The following CLSTN2 variants were observed in gnomAD, a reference collection of about 807,000 sequenced individuals.
The protein encoded by CLSTN2 is calsyntenin 2, also known as calsyntenin-2.
In CLSTN2, 48 loss-of-function variants were observed where a neutral mutation model predicts 101.2. The observed-to-expected ratio is 0.47, with a 90% confidence interval of 0.38 to 0.60. CLSTN2 has a LOEUF of 0.60. Among genes scored for constraint, CLSTN2 ranks in the 20% least tolerant of loss-of-function variants. The pLI, the probability that CLSTN2 is intolerant of heterozygous loss-of-function variation, is 0.00. For synonymous variants in CLSTN2, 481 were observed against 463.6 expected, an observed-to-expected ratio of 1.04 and a Z score of -0.48; for missense variants, 1,160 against 1,238.2, an observed-to-expected ratio of 0.94 and a Z score of 0.95.
Position 140,574,464 on chromosome 3 carries a change from G to A in CLSTN2, c.*8211G>A, listed in dbSNP as rs1029767330. 7.2e-5 allele frequency: 11 copies of A among 152,196 alleles called. No individual in the cohort carries two copies. The highest frequency in any genetic ancestry group is 2.7e-4 in the African/African-American group (11 of 41,438). 9.4% of individuals were successfully genotyped at this position (152,196 alleles called of 1,614,324 possible). On this transcript the variant is annotated 3_prime_UTR_variant, in exon 17 of 17. Transcript: ENST00000458420. ...AACTGAGGAGAGAAAACCCTAATTT[G>A]TTAATGACCCAGCCTTGTGCTGCTC...
At chr3:140,037,542 G>T (rs1393015637) in intron 1 of CLSTN2, among the ~76,000 whole-genome samples, 7 of 148,594 alleles carry the variant, frequency 4.7e-5, no homozygotes, top group South Asian at 2.1e-4. Flanking sequence ...TTATGCATTC[G>T]TCTTTTTTTT....
chr3:140,081,458 A>T (rs1441249900), intron 1 of CLSTN2, among the ~76,000 whole-genome samples: 1 of 152,228 alleles, frequency 6.6e-6, no homozygotes, highest in Non-Finnish European at 1.5e-5. Context: ...TGCTTTCCCC[A>T]TGAATCAGAT....
chr3:140,367,675 T>G (rs77752440), intron 2 of CLSTN2, among the ~76,000 whole-genome samples: 3,402 of 152,318 alleles, frequency 0.022, 121 homozygotes, highest in African/African-American at 0.078. Context: ...CTGTGAGGGT[T>G]GTGGGGCTCC....
chr3:140,394,052 G>A (rs1046956080), intron 2 of CLSTN2, among the ~76,000 whole-genome samples: 3 of 152,138 alleles, frequency 2.0e-5, no homozygotes, highest in East Asian at 1.9e-4. Context: ...AGCAGAACCC[G>A]GGAAGTGCCT....
At chr3:140,548,487 T>TG (rs1267395960) in intron 10 of CLSTN2, among the ~76,000 whole-genome samples, 6 of 152,192 alleles carry the variant, frequency 3.9e-5, no homozygotes, top group African/African-American at 1.4e-4. Flanking sequence ...CCTTGGAGAC[T>TG]GGCAGTCAGG....
At chr3:140,340,815 T>A (rs1309173486) in intron 2 of CLSTN2, among the ~76,000 whole-genome samples, 2 of 152,228 alleles carry the variant, frequency 1.3e-5, no homozygotes, top group East Asian at 3.8e-4. Flanking sequence ...TAGACTCCTG[T>A]TGGCAGTGAT....
intron 10 of CLSTN2, among the ~76,000 whole-genome samples, chr3:140,552,996 T>C (rs1006499279): frequency 6.6e-6 from 1 of 152,242 alleles, no homozygotes; most frequent in African/African-American, 2.4e-5. Context: ...CGTGACTCAC[T>C]AGCGTGAGGC....
At chr3:139,976,632 A>C (rs970716108) in intron 1 of CLSTN2, among the ~76,000 whole-genome samples, 2 of 152,116 alleles carry the variant, frequency 1.3e-5, no homozygotes, top group African/African-American at 4.8e-5. Flanking sequence ...GGATGAATTC[A>C]CTCAGCAGGG....
intron 11 of CLSTN2, 47 bp downstream of exon 11, chr3:140,556,708 G>A: frequency 6.3e-7 from 1 of 1,593,464 alleles, no homozygotes; most frequent in Non-Finnish European, 8.6e-7. Context: ...CAGCAGTTGG[G>A]AAGGTCCCAA....
chr3:140,297,426 C>G (rs2107907410), intron 2 of CLSTN2, among the ~76,000 whole-genome samples: 1 of 152,322 alleles, frequency 6.6e-6, no homozygotes, highest in South Asian at 2.1e-4. Context: ...TTCCCTTTCA[C>G]TAAATTTCCA....
At chr3:139,943,043 CTGT>C (rs1935159619) in intron 1 of CLSTN2, among the ~76,000 whole-genome samples, 1 of 152,158 alleles carries the variant, frequency 6.6e-6, no homozygotes, top group Non-Finnish European at 1.5e-5. Context: ...CACTCAGTAT[CTGT>C]TTCCTTTAGG....
At chr3:140,432,683 C>A (rs967687218) in intron 5 of CLSTN2, among the ~76,000 whole-genome samples, 1 of 152,152 alleles carries the variant, frequency 6.6e-6, no homozygotes, top group African/African-American at 2.4e-5. Flanking sequence ...GCTTAAAGAG[C>A]TGCCAGATAA....
At chr3:140,308,855 G>T (rs79687884) in intron 2 of CLSTN2, among the ~76,000 whole-genome samples, 3,467 of 152,300 alleles carry the variant, frequency 0.023, 133 homozygotes, top group African/African-American at 0.078. Flanking sequence ...CCATTCTGCT[G>T]CCTCCCTAAG....
chr3:140,288,132 G>GA (rs953359637), intron 2 of CLSTN2, among the ~76,000 whole-genome samples: 1 of 150,712 alleles, frequency 6.6e-6, no homozygotes, highest in South Asian at 2.1e-4. Flanking sequence ...GAAACCGGCG[G>GA]GGGGGGTCAG....
intron 2 of CLSTN2, among the ~76,000 whole-genome samples, chr3:140,398,509 T>C (rs1293304745): frequency 6.6e-6 from 1 of 152,194 alleles, no homozygotes; most frequent in East Asian, 1.9e-4. Flanking sequence ...AATATGATGA[T>C]CACTTTGACT....
At chr3:140,177,582 A>T (rs2010344693) in intron 2 of CLSTN2, among the ~76,000 whole-genome samples, 1 of 152,090 alleles carries the variant, frequency 6.6e-6, no homozygotes, top group Non-Finnish European at 1.5e-5. Context: ...TTGAGGCCAG[A>T]AGTTCAAGAC....
chr3:140,168,733 T>C (rs1232457953), intron 1 of CLSTN2, among the ~76,000 whole-genome samples: 1 of 152,094 alleles, frequency 6.6e-6, no homozygotes, highest in African/African-American at 2.4e-5. Flanking sequence ...ATTTTTTCTC[T>C]AGCAGCATTT....
intron 6 of CLSTN2, among the ~76,000 whole-genome samples, chr3:140,450,894 C>T (rs903786694): frequency 7.9e-5 from 12 of 152,172 alleles, no homozygotes; most frequent in Admixed American, 6.6e-4. Flanking sequence ...TATGGGGCTG[C>T]ACACCTCTCC....
intron 1 of CLSTN2, among the ~76,000 whole-genome samples, chr3:140,144,879 A>G (rs912715142): frequency 2.0e-5 from 3 of 152,074 alleles, no homozygotes. Flanking sequence ...GTCTGAAACA[A>G]CTTCCCTTTC....
Sources: allele counts gnomAD v4.1 joint callset (sites outside exome capture counted in the v4.1 genomes callset), GRCh38; gene constraint gnomAD v4.1.1; transcripts MANE v1.5; gene names NCBI Gene and HGNC (gene_info 2026-07-23, HGNC 2026-07-21).